ABCA13: variants seen among roughly 807,000 people sequenced by gnomAD.
ABCA13 encodes ATP-binding cassette sub-family A member 13.
Under a neutral mutation model 478.7 loss-of-function variants are expected in ABCA13, and 476 were observed. The observed-to-expected ratio is 0.99, with a 90% CI of 0.92 to 1.07. The LOEUF is 1.07. ABCA13 is among the 50% of genes least tolerant of loss of function. The probability of loss-of-function intolerance (pLI) is 0.00; values close to 1 mark genes in which losing one functional copy is unlikely to be tolerated. For synonymous variants in ABCA13, 2,252 were observed against 2,158.9 expected, an observed-to-expected ratio of 1.04 and a Z score of -1.20; for missense variants, 6,060 against 5,910.6, an observed-to-expected ratio of 1.03 and a Z score of -0.83.
At chr7:48,473,710 G>A (rs1389123930) in intron 45 of ABCA13, among the ~76,000 whole-genome samples, 1 of 152,198 alleles carries the variant, frequency 6.6e-6, no homozygotes, top group Non-Finnish European at 1.5e-5. Context: ...CTTAGCCCAA[G>A]GGGGATGGGG....
At chr7:48,203,593 TGTTGGGGG>T (rs1562771691) in intron 3 of ABCA13, among the ~76,000 whole-genome samples, 1 of 151,372 alleles carries the variant, frequency 6.6e-6, no homozygotes, top group Non-Finnish European at 1.5e-5. Context: ...TTCCTGCCTT[TGTTGGGGG>T]GTTTCCCCTT....
chr7:48,309,382 G>T (rs535294731), intron 23 of ABCA13, among the ~76,000 whole-genome samples: 2 of 152,212 alleles, frequency 1.3e-5, no homozygotes, highest in East Asian at 3.9e-4. Flanking sequence ...GCCTTTAATT[G>T]CGATGCATGA....
chr7:48,600,277 A>G lies in ABCA13; in HGVS notation c.14744+5464A>G, dbSNP rs548547021. On this transcript the variant is annotated intron_variant, in intron 58 of 61. Coordinates refer to ENST00000435803, the MANE Select transcript of ABCA13 (RefSeq NM_152701.5). ...ATGTTTGTGTGGTATATCTTTTCAT[A>G]TTCTTTTACTTTCAAATAATTTGTG... is the stretch of plus-strand genomic sequence containing the variant. 2.0e-5 allele frequency among the ~76,000 whole-genome samples: 3 copies of G among 150,768 alleles called. 1 individual carries two copies. The highest frequency in any genetic ancestry group is 7.3e-5 in the African/African-American group (3 of 41,206).
intron 59 of ABCA13, among the ~76,000 whole-genome samples, chr7:48,625,705 G>T (rs1160284495): frequency 6.6e-6 from 1 of 152,138 alleles, no homozygotes; most frequent in Admixed American, 6.5e-5. Context: ...AGCTGCCTCT[G>T]GTCTTGGAAA....
intron 48 of ABCA13, among the ~76,000 whole-genome samples, chr7:48,501,766 T>A (rs1008364785): frequency 6.6e-5 from 10 of 152,232 alleles, no homozygotes; most frequent in Non-Finnish European, 7.3e-5. Context: ...TCTCTTCTGC[T>A]GTCATAGTTG....
At chr7:48,532,308 T>C (rs1194841544) in intron 55 of ABCA13, among the ~76,000 whole-genome samples, 4 of 152,202 alleles carry the variant, frequency 2.6e-5, no homozygotes, top group Non-Finnish European at 5.9e-5. Flanking sequence ...ATTAATTGGC[T>C]TGCATGTGTT....
chr7:48,631,124 G>C (rs913328687), intron 59 of ABCA13, among the ~76,000 whole-genome samples: 1 of 151,828 alleles, frequency 6.6e-6, no homozygotes, highest in African/African-American at 2.4e-5. Flanking sequence ...TAACTCTGTT[G>C]ATAGTTTCTT....
At chr7:48,581,326 C>G (rs1208390818) in intron 56 of ABCA13, among the ~76,000 whole-genome samples, 1 of 152,052 alleles carries the variant, frequency 6.6e-6, no homozygotes, top group Admixed American at 6.6e-5. Context: ...CTTATTTATG[C>G]TTTCTAACTT....
chr7:48,572,104 C>T (rs921620204), intron 55 of ABCA13, among the ~76,000 whole-genome samples: 3 of 152,108 alleles, frequency 2.0e-5, no homozygotes, highest in Non-Finnish European at 4.4e-5. Context: ...CATTTGAATC[C>T]TGGAGGCAGA....
At chr7:48,479,909 A>G (rs1450207863) in intron 45 of ABCA13, among the ~76,000 whole-genome samples, 1 of 152,162 alleles carries the variant, frequency 6.6e-6, no homozygotes, top group Admixed American at 6.5e-5. Context: ...GCCTGTTTTC[A>G]TTTTCATTTT....
At chr7:48,350,170 C>T (rs1808740155) in intron 29 of ABCA13, among the ~76,000 whole-genome samples, 2 of 152,218 alleles carry the variant, frequency 1.3e-5, no homozygotes, top group South Asian at 4.1e-4. Flanking sequence ...GTCCATGCTC[C>T]TTGATAATTG....
At chr7:48,326,475 A>G (rs1804348910) in intron 27 of ABCA13, among the ~76,000 whole-genome samples, 1 of 152,236 alleles carries the variant, frequency 6.6e-6, no homozygotes, top group African/African-American at 2.4e-5. Flanking sequence ...TCAAACATAT[A>G]TTGAGTAGAG....
At chr7:48,334,762 G>C (rs1805974816) in intron 27 of ABCA13, among the ~76,000 whole-genome samples, 1 of 152,172 alleles carries the variant, frequency 6.6e-6, no homozygotes, top group Non-Finnish European at 1.5e-5. Flanking sequence ...GATGTGGTTA[G>C]ACTCTCAAAC....
intron 59 of ABCA13, among the ~76,000 whole-genome samples, chr7:48,620,016 A>G (rs1792979200): frequency 2.6e-5 from 4 of 152,202 alleles, no homozygotes; most frequent in Admixed American, 2.6e-4. Context: ...TACAGGAAGG[A>G]CAGGAAGTGA....
rs190888780 is a variant in ABCA13 at position 48,560,191 on chromosome 7, C to T, written c.14355-20033C>T. 2.0e-5 allele frequency among the ~76,000 whole-genome samples: 3 copies of T among 152,280 alleles called. No homozygotes were observed. The East Asian group carries it at 5.8e-4, about 29-fold the overall frequency. ...GTAAGGCTTGCTGAAACTCAGGTTC[C>T]AACTGCTGGGATGGATGACTCCCCT... On this transcript the variant is annotated intron_variant, in intron 55 of 61. Coordinates refer to ENST00000435803, the MANE Select transcript of ABCA13 (RefSeq NM_152701.5).
intron 59 of ABCA13, among the ~76,000 whole-genome samples, chr7:48,628,502 C>CAAAT (rs997699128): frequency 6.6e-6 from 1 of 152,292 alleles, no homozygotes; most frequent in Non-Finnish European, 1.5e-5. Flanking sequence ...CAGAATGAGC[C>CAAAT]AAATGAATGC....
chr7:48,506,416 G>A (rs1171027733), intron 49 of ABCA13, 26 bp downstream of exon 49: 4 of 1,609,788 alleles, frequency 2.5e-6, no homozygotes, highest in East Asian at 2.2e-5. Context: ...GCTGAGGGGT[G>A]TGTGACCCTG....
chr7:48,276,568 G>A lies in ABCA13; in HGVS notation c.6899+3G>A. The A allele has an allele frequency of 1.9e-6, 3 of 1,609,550 alleles. No individual in the cohort carries two copies. Among genetic ancestry groups the A allele is most frequent in the East Asian group, 4.5e-5 (2 of 44,746 alleles). ...AAAGATGTTATTGCAGAGATGAGGT[G>A]AGTATACTTTTGCTTTGTGTCATAT... On this transcript the variant is annotated splice_donor_region_variant and intron_variant, in intron 17 of 61. Transcript: ENST00000435803.
intron 16 of ABCA13, among the ~76,000 whole-genome samples, chr7:48,269,326 G>A (rs966830747): frequency 6.6e-6 from 1 of 152,112 alleles, no homozygotes; most frequent in Non-Finnish European, 1.5e-5. Flanking sequence ...AATACAGATC[G>A]TAGTAAGAAG....
Sources: gnomAD v4.1 joint callset for allele counts (sites outside exome capture counted in the v4.1 genomes callset) on GRCh38, gnomAD v4.1.1 for gene constraint, MANE v1.5 for transcripts, NCBI Gene and HGNC (gene_info 2026-07-23, HGNC 2026-07-21) for gene names.